The following SGPP1 variants were observed in gnomAD, a reference collection of about 807,000 sequenced individuals.
SGPP1 encodes the protein sphingosine-1-phosphate phosphatase 1.
Under a neutral mutation model 33.0 loss-of-function variants are expected in SGPP1, and 21 were observed. The ratio of observed to expected loss-of-function variants is 0.64; its 90% CI spans 0.45 to 0.92. The LOEUF is 0.92. Ranked by LOEUF, SGPP1 falls within the 40% of genes least tolerant of loss-of-function variation. SGPP1 has a pLI of 0.00. For missense variants in SGPP1, 543 were observed against 589.4 expected, an observed-to-expected ratio of 0.92 and a Z score of 0.81; for synonymous variants, 239 against 241.2, an observed-to-expected ratio of 0.99 and a Z score of 0.08.
chr14:63,703,219 A>C (rs1426013918), intron 1 of SGPP1, among the ~76,000 whole-genome samples: 1 of 151,208 alleles, frequency 6.6e-6, no homozygotes, highest in Non-Finnish European at 1.5e-5. Context: ...TAAAAAAAAA[A>C]CCCTAAAATG....
At chr14:63,706,779 A>G (rs1261109938) in intron 1 of SGPP1, among the ~76,000 whole-genome samples, 1 of 152,186 alleles carries the variant, frequency 6.6e-6, no homozygotes, top group African/African-American at 2.4e-5. Context: ...AGTAAACTTA[A>G]GAAACAGAAT....
intron 1 of SGPP1, among the ~76,000 whole-genome samples, chr14:63,724,088 C>A (rs756475985): frequency 6.6e-6 from 1 of 152,038 alleles, no homozygotes; most frequent in Non-Finnish European, 1.5e-5. Context: ...CTATATTGCC[C>A]AGGCTGGTCT....
At chr14:63,706,026 C>G (rs1337585571) in intron 1 of SGPP1, among the ~76,000 whole-genome samples, 1 of 152,092 alleles carries the variant, frequency 6.6e-6, no homozygotes, top group Admixed American at 6.5e-5. Flanking sequence ...CGGGCATAGC[C>G]CAAGTGTTCA....
chr14:63,701,918 C>CAAAAA (rs549492142), intron 1 of SGPP1, among the ~76,000 whole-genome samples: 14 of 54,104 alleles, frequency 2.6e-4, no homozygotes, highest in African/African-American at 6.8e-4. Context: ...CTGTTGACAG[C>CAAAAA]AAAAAAAAAA....
At chr14:63,698,305 A>C (rs1885228022) in intron 2 of SGPP1, among the ~76,000 whole-genome samples, 2 of 152,222 alleles carry the variant, frequency 1.3e-5, no homozygotes, top group Admixed American at 1.3e-4. Context: ...AGGAAAATAA[A>C]AGGGAGACTG....
At chr14:63,690,056 TTC>T (rs775158171) in intron 2 of SGPP1, among the ~76,000 whole-genome samples, 3 of 152,198 alleles carry the variant, frequency 2.0e-5, no homozygotes, top group Non-Finnish European at 4.4e-5. Flanking sequence ...ACTTGAATGC[TTC>T]TCTGTTTTTT....
chr14:63,725,375 A>G (rs1279307506), intron 1 of SGPP1, among the ~76,000 whole-genome samples: 1 of 152,248 alleles, frequency 6.6e-6, no homozygotes, highest in African/African-American at 2.4e-5. Context: ...CTCCGTCAGG[A>G]GGCTTTCTTT....
chr14:63,724,521 C>G (rs1312008010), intron 1 of SGPP1, among the ~76,000 whole-genome samples: 3 of 150,268 alleles, frequency 2.0e-5, no homozygotes, highest in Non-Finnish European at 2.9e-5. Flanking sequence ...CTATATAAGC[C>G]TCCAATGCAG....
chr14:63,707,986 G>A (rs1595067610), intron 1 of SGPP1, among the ~76,000 whole-genome samples: 4 of 151,994 alleles, frequency 2.6e-5, no homozygotes, highest in South Asian at 4.1e-4. Context: ...AATGCAAAAC[G>A]CATTACAATG....
intron 2 of SGPP1, among the ~76,000 whole-genome samples, chr14:63,688,941 T>G (rs1279341102): frequency 6.6e-6 from 1 of 152,172 alleles, no homozygotes; most frequent in African/African-American, 2.4e-5. Flanking sequence ...CAGGATGGTC[T>G]CTATCTCCTG....
intron 1 of SGPP1, among the ~76,000 whole-genome samples, chr14:63,707,911 T>C (rs1027416532): frequency 2.8e-4 from 43 of 152,186 alleles, no homozygotes; most frequent in Non-Finnish European, 5.3e-4. Flanking sequence ...ACAATAGTTG[T>C]ATAGCTGCCT....
chr14:63,694,200 G>A (rs1885143185), intron 2 of SGPP1, among the ~76,000 whole-genome samples: 1 of 151,966 alleles, frequency 6.6e-6, no homozygotes, highest in South Asian at 2.1e-4. Flanking sequence ...CTTGAGTCCA[G>A]GAGGCAAAGG....
intron 1 of SGPP1, among the ~76,000 whole-genome samples, chr14:63,707,431 A>T (rs1343818269): frequency 6.6e-6 from 1 of 152,170 alleles, no homozygotes; most frequent in African/African-American, 2.4e-5. Context: ...AGGCCCCAGC[A>T]TTCCAGATCA....
chr14:63,725,990 A>C (rs1287264557), intron 1 of SGPP1, among the ~76,000 whole-genome samples: 1 of 152,208 alleles, frequency 6.6e-6, no homozygotes, highest in Non-Finnish European at 1.5e-5. Flanking sequence ...ACTGCTTCAC[A>C]ATCTGAACAT....
chr14:63,705,696 A>C (rs1885396557), intron 1 of SGPP1, among the ~76,000 whole-genome samples: 1 of 152,156 alleles, frequency 6.6e-6, no homozygotes, highest in Non-Finnish European at 1.5e-5. Flanking sequence ...ATGAAAAATG[A>C]AAATCAAAAT....
At chr14:63,722,080 C>CT (rs1885782520) in intron 1 of SGPP1, among the ~76,000 whole-genome samples, 1 of 152,206 alleles carries the variant, frequency 6.6e-6, no homozygotes, top group South Asian at 2.1e-4. Context: ...GGCTAGGTTA[C>CT]TTTGCTTAAG....
At chr14:63,725,269 G>C (rs1008238627) in intron 1 of SGPP1, among the ~76,000 whole-genome samples, 1 of 152,086 alleles carries the variant, frequency 6.6e-6, no homozygotes, top group Non-Finnish European at 1.5e-5. Flanking sequence ...CAGCTACTCG[G>C]GAGGCTGAGG....
intron 2 of SGPP1, among the ~76,000 whole-genome samples, chr14:63,687,408 C>A (rs1282650308): frequency 2.0e-5 from 3 of 152,140 alleles, no homozygotes; most frequent in African/African-American, 4.8e-5. Context: ...CCATTGCACT[C>A]CAGCCCGAGT....
chr14:63,714,452 G>A (rs554358855), intron 1 of SGPP1, among the ~76,000 whole-genome samples: 4 of 151,784 alleles, frequency 2.6e-5, no homozygotes, highest in Non-Finnish European at 2.9e-5. Flanking sequence ...ATGGAGTCTC[G>A]TTCTATCTCC....
Sources: allele counts gnomAD v4.1 joint callset (sites outside exome capture counted in the v4.1 genomes callset), GRCh38; gene constraint gnomAD v4.1.1; transcripts MANE v1.5; gene names NCBI Gene and HGNC (gene_info 2026-07-23, HGNC 2026-07-21).